Variants in TNN observed in about 807,000 individuals in gnomAD.
TNN encodes tenascin N.
A neutral mutation model predicts 134.4 loss-of-function variants in TNN; 122 were observed. The observed-to-expected ratio is 0.91, with a 90% CI of 0.78 to 1.06. The LOEUF (loss-of-function observed/expected upper bound fraction) is 1.06, where lower values mean the gene tolerates loss of function less well. Ranked by LOEUF, TNN falls within the 50% of genes least tolerant of loss-of-function variation. TNN has a pLI of 0.00. For synonymous variants in TNN, 710 were observed against 670.3 expected (o/e 1.06, Z -0.91); for missense variants, 1,739 against 1,699.4 (o/e 1.02, Z -0.41).
At position 175,090,418 on chromosome 1, in the gene TNN, C is replaced by G. The variant is rs139785380; in HGVS notation, c.1325-3572C>G. On this transcript the variant is annotated intron_variant, in intron 6 of 18. Transcript: ENST00000239462. ...GGTCTCAAGGCACCTCTTCCAGGAA[C>G]CCACCTTCAAATCAATGACACAGGT... Among the ~76,000 whole-genome samples the G allele has an allele frequency of 6.3e-3, 944 of 149,798 alleles. 12 individuals carry two copies. The highest frequency in any genetic ancestry group is 0.022 in the African/African-American group (897 of 40,206).
chr1:175,111,193 C>T (rs1209890557), intron 9 of TNN, among the ~76,000 whole-genome samples: 1 of 152,140 alleles, frequency 6.6e-6, no homozygotes, highest in Non-Finnish European at 1.5e-5. Flanking sequence ...TGGCAGGTGC[C>T]TGTAATCCCA....
At chr1:175,073,462 G>A (rs969989207) in intron 1 of TNN, among the ~76,000 whole-genome samples, 3 of 152,098 alleles carry the variant, frequency 2.0e-5, no homozygotes, top group African/African-American at 7.2e-5. Flanking sequence ...AGCTTTTCTG[G>A]TGGCTTTTGG....
chr1:175,098,662 T>G (rs1381670949), intron 9 of TNN, 67 bp downstream of exon 9: 1 of 1,601,622 alleles, frequency 6.2e-7, no homozygotes. Flanking sequence ...GGTTTTCTTC[T>G]CTGACCTTGG....
At chr1:175,073,416 C>G (rs936474301) in intron 1 of TNN, among the ~76,000 whole-genome samples, 1 of 152,174 alleles carries the variant, frequency 6.6e-6, no homozygotes, top group East Asian at 1.9e-4. Context: ...TTCCCACTCC[C>G]CCCATCTTCT....
At chr1:175,140,548 T>C (rs887534403) in intron 17 of TNN, among the ~76,000 whole-genome samples, 1 of 152,182 alleles carries the variant, frequency 6.6e-6, no homozygotes, top group Non-Finnish European at 1.5e-5. Context: ...CTGATGCCAA[T>C]GGGAAAGAGA....
chr1:175,072,293 A>T (rs1673932417), intron 1 of TNN, among the ~76,000 whole-genome samples: 1 of 152,156 alleles, frequency 6.6e-6, no homozygotes, highest in African/African-American at 2.4e-5. Context: ...AGAATTAAAG[A>T]CATGACCAGC....
At chr1:175,142,554 G>A (rs950381374) in intron 17 of TNN, among the ~76,000 whole-genome samples, 1 of 152,186 alleles carries the variant, frequency 6.6e-6, no homozygotes, top group Non-Finnish European at 1.5e-5. Context: ...GGTTGCCGGG[G>A]CCCAACCTGT....
chr1:175,145,399 A>G (rs1676037988), intron 18 of TNN, among the ~76,000 whole-genome samples: 1 of 151,544 alleles, frequency 6.6e-6, no homozygotes, highest in Non-Finnish European at 1.5e-5. Context: ...CAAAAGATAC[A>G]AAAATTAGCT....
chr1:175,130,708 A>G (rs1053332774), intron 15 of TNN, among the ~76,000 whole-genome samples: 1 of 152,164 alleles, frequency 6.6e-6, no homozygotes, highest in Non-Finnish European at 1.5e-5. Flanking sequence ...TTGAGTGCCT[A>G]CTATGTGTCG....
intron 9 of TNN, among the ~76,000 whole-genome samples, chr1:175,104,406 G>A (rs1000613976): frequency 6.9e-6 from 1 of 145,966 alleles, no homozygotes; most frequent in African/African-American, 2.5e-5. Context: ...CTGGGGCAGT[G>A]CACCTTCCAG....
chr1:175,077,900 C>T lies in TNN; in HGVS notation c.409+73C>T, dbSNP rs1020745187. 7.6e-6 allele frequency: 11 copies of T among 1,455,194 alleles called. No individual in the cohort carries two copies. In the South Asian group the frequency reaches 1.1e-4, roughly 14 times the overall value. 90.1% of individuals were successfully genotyped at this position (1,455,194 alleles called of 1,614,324 possible). On this transcript the variant is annotated intron_variant, in intron 2 of 18. Transcript: ENST00000239462. ...TATTATGTGCCAGGGTTTCCACTAG[C>T]CTCATGAGCACTTTGTGACTCTGGT...
intron 12 of TNN, among the ~76,000 whole-genome samples, chr1:175,125,703 C>CTCTTTCTTTCTTTCTT (rs1173340653): frequency 1.5e-5 from 1 of 66,390 alleles, no homozygotes; most frequent in East Asian, 3.9e-4. Context: ...TCTTTTTTCT[C>CTCTTTCTTTCTTTCTT]TCTTTCTTTC....
chr1:175,097,456 C>T lies in TNN; in HGVS notation c.1628C>T (p.Thr543Ile), dbSNP rs1574150985. The T allele has an allele frequency of 8.1e-6, 13 of 1,614,226 alleles. No individual in the cohort carries two copies. Among genetic ancestry groups the T allele is most frequent in the Non-Finnish European group, 1.1e-5 (13 of 1,180,054 alleles). Residue 543 changes from threonine to isoleucine, a missense_variant, in exon 8 of 19, where the codon ACT becomes ATT. Transcript: ENST00000239462. ...SPANLVTDRV[T>I]ENTATISWDP... ...GCAAACCTGGTGACTGACCGGGTGA[C>T]TGAGAATACCGCCACCATCTCCTGG...
At chr1:175,102,993 C>G (rs915448825) in intron 9 of TNN, among the ~76,000 whole-genome samples, 4 of 146,460 alleles carry the variant, frequency 2.7e-5, no homozygotes, top group African/African-American at 9.8e-5. Flanking sequence ...GGGGAACTCT[C>G]TAGGCCAGGG....
chr1:175,084,450 C>G (rs1008187266), intron 5 of TNN, among the ~76,000 whole-genome samples: 6 of 152,150 alleles, frequency 3.9e-5, no homozygotes, highest in African/African-American at 7.2e-5. Context: ...AGAGCTAGAG[C>G]TCAAATGGCT....
At chr1:175,099,545 T>G (rs1171315323) in intron 9 of TNN, among the ~76,000 whole-genome samples, 1 of 126,308 alleles carries the variant, frequency 7.9e-6, no homozygotes, top group Non-Finnish European at 1.6e-5. Flanking sequence ...GAGGCGTCAG[T>G]AAGAGGAGAG....
In TNN at chr1:175,097,647, C is replaced by A; in HGVS notation, c.1819C>A (p.Arg607=). 6.2e-7 allele frequency: 1 copy of A among 1,613,954 alleles called. No individual in the cohort carries two copies. Among genetic ancestry groups the A allele is most frequent in the African/African-American group, 1.3e-5 (1 of 74,974 alleles). ...TVHVWAQKGD[R]ESKKADTNAP... is the part of the protein sequence containing the mutation. The stretch of plus-strand genomic sequence containing the variant: ...GCATGTCTGGGCCCAGAAGGGGGAC[C>A]GAGAGAGCAAGAAGGCTGACACCAA... Residue 607 remains arginine (R), a synonymous_variant, in exon 8 of 19, where the codon CGA becomes AGA. Transcript: ENST00000239462.
At chr1:175,077,269 T>G (rs574932726) in intron 1 of TNN, 115 bp from the exon 2 acceptor site, 1 of 793,590 alleles carries the variant, frequency 1.3e-6, no homozygotes, top group East Asian at 2.5e-5. Flanking sequence ...AGAAATAGAA[T>G]GAGTTCTTTC....
chr1:175,097,109 A>T (rs1210147811), intron 7 of TNN, among the ~76,000 whole-genome samples: 1 of 152,210 alleles, frequency 6.6e-6, no homozygotes, highest in Non-Finnish European at 1.5e-5. Flanking sequence ...TGTTATATAA[A>T]TCCAGGGTAA....
Sources: gnomAD v4.1 joint callset for allele counts (sites outside exome capture counted in the v4.1 genomes callset) on GRCh38, gnomAD v4.1.1 for gene constraint, MANE v1.5 for transcripts, NCBI Gene and HGNC (gene_info 2026-07-23, HGNC 2026-07-21) for gene names.